The following AKAP7 variants were observed in gnomAD, a reference collection of about 807,000 sequenced individuals.
The protein encoded by AKAP7 is A-kinase anchoring protein 7.
AKAP7 carries 39 observed loss-of-function variants against 39.5 expected under a neutral mutation model. The observed-to-expected ratio is 0.99, with a 90% CI of 0.76 to 1.29. AKAP7 has a LOEUF of 1.29. AKAP7 is among the 50% of genes most tolerant of loss of function. AKAP7 has a pLI of 0.00. For missense variants in AKAP7, 414 were observed against 407.7 expected (o/e 1.02, Z -0.13); for synonymous variants, 140 against 139.1 (o/e 1.01, Z -0.05).
chr6:131,203,368 G>T (rs536648020), intron 6 of AKAP7, among the ~76,000 whole-genome samples: 1 of 152,228 alleles, frequency 6.6e-6, no homozygotes, highest in Non-Finnish European at 1.5e-5. Context: ...ATTAAATAAA[G>T]ATGATCGTGG....
chr6:131,219,821 TA>T lies in AKAP7; in HGVS notation c.850+18del. On this transcript the variant is annotated intron_variant, in intron 7 of 7. Coordinates refer to ENST00000431975, the MANE Select transcript of AKAP7 (RefSeq NM_016377.4). ...TCCATTGTGATTGGTGAGTGTCATT[TA>T]AAAATTATTTATTATCTTTATTTTT... is the stretch of plus-strand genomic sequence containing the variant. 1 of 1,461,542 alleles carries T rather than the reference TA, an allele frequency of 6.8e-7. No homozygotes were observed. The highest frequency in any genetic ancestry group is 1.5e-5 in the African/African-American group (1 of 68,120). The allele number at this position is 1,461,542 out of a possible 1,614,324, so 90.5% of individuals were successfully genotyped here.
intron 7 of AKAP7, among the ~76,000 whole-genome samples, chr6:131,265,238 G>A (rs1283264220): frequency 1.3e-5 from 2 of 152,132 alleles, no homozygotes; most frequent in African/African-American, 4.8e-5. Context: ...GGGTTCAAGC[G>A]ATTCTCATGC....
intron 1 of AKAP7, among the ~76,000 whole-genome samples, chr6:131,136,181 T>C (rs1017471402): frequency 1.3e-5 from 2 of 152,226 alleles, no homozygotes; most frequent in East Asian, 1.9e-4. Flanking sequence ...ATCACAAATA[T>C]TAAGCACCCG....
intron 6 of AKAP7, 88 bp downstream of exon 6, chr6:131,199,661 C>CCAGGG: frequency 9.5e-7 from 1 of 1,053,944 alleles, no homozygotes; most frequent in South Asian, 1.4e-5. Context: ...TTGCTGTGGT[C>CCAGGG]TCTGACACTA....
chr6:131,164,850 TAAGA>T (rs1408480242), intron 3 of AKAP7, among the ~76,000 whole-genome samples: 1 of 152,186 alleles, frequency 6.6e-6, no homozygotes, highest in Non-Finnish European at 1.5e-5. Context: ...TCAGTACTGT[TAAGA>T]TAGACAATCA....
chr6:131,194,160 T>C (rs1335595387), intron 5 of AKAP7, among the ~76,000 whole-genome samples: 1 of 152,032 alleles, frequency 6.6e-6, no homozygotes, highest in Non-Finnish European at 1.5e-5. Flanking sequence ...TTTTTTTTGA[T>C]GTAGGCACTT....
At chr6:131,150,618 AT>A (rs1801837122) in intron 2 of AKAP7, among the ~76,000 whole-genome samples, 1 of 152,248 alleles carries the variant, frequency 6.6e-6, no homozygotes, top group Non-Finnish European at 1.5e-5. Flanking sequence ...TGTTAAAAAA[AT>A]AAGAAAATGA....
chr6:131,152,826 C>CAA (rs759814910), intron 2 of AKAP7, among the ~76,000 whole-genome samples: 23 of 39,010 alleles, frequency 5.9e-4, no homozygotes, highest in Non-Finnish European at 5.7e-4. Context: ...GACTCCATCT[C>CAA]AAAAAAAAAA....
chr6:131,218,887 G>T (rs999855745), intron 6 of AKAP7, among the ~76,000 whole-genome samples: 1 of 152,030 alleles, frequency 6.6e-6, no homozygotes. Context: ...CATCTTATTA[G>T]GGCATTTTTT....
intron 1 of AKAP7, among the ~76,000 whole-genome samples, 186 bp from the exon 2 acceptor site, chr6:131,145,099 A>G (rs551598176): frequency 6.6e-6 from 1 of 152,088 alleles, no homozygotes; most frequent in African/African-American, 2.4e-5. Context: ...TAAGTGTACA[A>G]AAATATAGAG....
At chr6:131,138,406 A>G (rs191516627) in intron 1 of AKAP7, among the ~76,000 whole-genome samples, 2 of 152,260 alleles carry the variant, frequency 1.3e-5, no homozygotes. Context: ...AATCTTGGCT[A>G]TTGTACCATT....
intron 4 of AKAP7, among the ~76,000 whole-genome samples, chr6:131,165,959 G>C (rs528458890): frequency 6.6e-6 from 1 of 152,306 alleles, no homozygotes; most frequent in African/African-American, 2.4e-5. Context: ...AATGCAGGTT[G>C]CTTTTGTTTT....
intron 5 of AKAP7, among the ~76,000 whole-genome samples, chr6:131,180,665 G>A (rs1355001619): frequency 2.0e-5 from 3 of 152,074 alleles, no homozygotes; most frequent in Non-Finnish European, 4.4e-5. Context: ...AACCTCCTGC[G>A]GTCAGTAGGC....
intron 7 of AKAP7, among the ~76,000 whole-genome samples, chr6:131,266,325 C>G (rs1018517532): frequency 6.6e-6 from 1 of 152,200 alleles, no homozygotes; most frequent in Non-Finnish European, 1.5e-5. Flanking sequence ...AACTGAAATT[C>G]CTTTGCCTGG....
At chr6:131,168,228 A>G (rs1803689110) in intron 4 of AKAP7, among the ~76,000 whole-genome samples, 1 of 152,020 alleles carries the variant, frequency 6.6e-6, no homozygotes. Flanking sequence ...CTTTCACAGC[A>G]TAGGGGGACC....
At chr6:131,266,076 G>A (rs926751679) in intron 7 of AKAP7, among the ~76,000 whole-genome samples, 35 of 152,138 alleles carry the variant, frequency 2.3e-4, no homozygotes, top group African/African-American at 8.0e-4. Flanking sequence ...ATCCCGGGAG[G>A]AGACCCTCAG....
At chr6:131,243,053 G>A (rs1297803358) in intron 7 of AKAP7, among the ~76,000 whole-genome samples, 2 of 152,150 alleles carry the variant, frequency 1.3e-5, no homozygotes, top group Non-Finnish European at 1.5e-5. Context: ...AGACTTTGCT[G>A]CCATCTTGGC....
chr6:131,193,203 C>A (rs773251622), intron 5 of AKAP7, among the ~76,000 whole-genome samples: 1 of 151,918 alleles, frequency 6.6e-6, no homozygotes, highest in Non-Finnish European at 1.5e-5. Context: ...CAGTATGATA[C>A]GAGATGTGGA....
rs545538575 is a variant in AKAP7, at chr6:131,229,107, C to T, written c.850+9299C>T. On this transcript the variant is annotated intron_variant, in intron 7 of 7. Coordinates refer to ENST00000431975, the MANE Select transcript of AKAP7 (RefSeq NM_016377.4). ...AGTAGCCCCTTTCTTCCATGGAACA[C>T]CATTTTTTCTTGAAGAATGATTGAA... 9.2e-5 allele frequency among the ~76,000 whole-genome samples: 14 copies of T among 152,222 alleles called. No homozygotes were observed. The South Asian group carries it at 2.9e-3, about 32-fold the overall frequency.
Sources: gnomAD v4.1 joint callset for allele counts (sites outside exome capture counted in the v4.1 genomes callset) on GRCh38, gnomAD v4.1.1 for gene constraint, MANE v1.5 for transcripts, NCBI Gene and HGNC (gene_info 2026-07-23, HGNC 2026-07-21) for gene names.